Variants in IGFL2 observed in about 807,000 individuals in gnomAD.
IGFL2 encodes insulin growth factor-like family member 2.
A neutral mutation model predicts 13.9 loss-of-function variants in IGFL2; 7 were observed. The ratio of observed to expected loss-of-function variants is 0.51; its 90% confidence interval spans 0.29 to 0.95. IGFL2 has a LOEUF of 0.95. IGFL2 is among the 40% of genes least tolerant of loss of function. The probability of loss-of-function intolerance (pLI) is 0.08; values close to 1 mark genes in which losing one functional copy is unlikely to be tolerated. For missense variants in IGFL2, 138 were observed against 147.8 expected (o/e 0.93, Z 0.34); for synonymous variants, 55 against 55.8 (o/e 0.99, Z 0.07).
chr19:46,174,584 C>CAAGTAAAGG, the IGFL2 span, among the ~76,000 whole-genome samples: 1 of 152,128 alleles, frequency 6.6e-6, no homozygotes, highest in Non-Finnish European at 1.5e-5. Context: ...TCCCTAGTGA[C>CAAGTAAAGG]AAGTAAAGGC....
At chr19:46,184,902 A>G in the IGFL2 span, among the ~76,000 whole-genome samples, 1 of 152,126 alleles carries the variant, frequency 6.6e-6, no homozygotes, top group Non-Finnish European at 1.5e-5. Flanking sequence ...ATTTCTCCAC[A>G]TCTTCTGTTG....
At chr19:46,176,925 G>T in the IGFL2 span, among the ~76,000 whole-genome samples, 1 of 152,160 alleles carries the variant, frequency 6.6e-6, no homozygotes. Context: ...TGAATCTATT[G>T]CCCAGTTGGG....
At chr19:46,176,009 A>ATTTTTTTTTT in the IGFL2 span, among the ~76,000 whole-genome samples, 3 of 71,894 alleles carry the variant, frequency 4.2e-5, 1 homozygote, top group East Asian at 3.4e-4. Context: ...CGCCCGACTA[A>ATTTTTTTTTT]TTTTTTTTTT....
chr19:46,171,301 A>G, the IGFL2 span, among the ~76,000 whole-genome samples: 3 of 152,194 alleles, frequency 2.0e-5, no homozygotes, highest in Non-Finnish European at 4.4e-5. Flanking sequence ...TTTCTGGGTC[A>G]AGAGCCAGGA....
the IGFL2 span, among the ~76,000 whole-genome samples, chr19:46,174,789 C>G: frequency 6.6e-6 from 1 of 152,224 alleles, no homozygotes; most frequent in Non-Finnish European, 1.5e-5. Flanking sequence ...GATTAACTCT[C>G]TAAATTCCCA....
chr19:46,168,855 G>GT, the IGFL2 span, among the ~76,000 whole-genome samples: 22 of 65,672 alleles, frequency 3.3e-4, no homozygotes, highest in Middle Eastern at 6.7e-3. Context: ...TTTTTTCCCT[G>GT]TTTTTTTCTG....
At chr19:46,124,598 G>A in the IGFL2 span, 6 of 1,592,096 alleles carry the variant, frequency 3.8e-6, no homozygotes, top group South Asian at 5.5e-5. Context: ...GAGATGAGAT[G>A]ATGTTTGGAT....
At chr19:46,091,073 A>G in the IGFL2 span, among the ~76,000 whole-genome samples, 1 of 152,146 alleles carries the variant, frequency 6.6e-6, no homozygotes, top group Non-Finnish European at 1.5e-5. Flanking sequence ...TGCTATAACT[A>G]GGTACTGTGA....
chr19:46,084,920 A>G, the IGFL2 span, among the ~76,000 whole-genome samples: 1 of 152,184 alleles, frequency 6.6e-6, no homozygotes, highest in African/African-American at 2.4e-5. Context: ...CCTTCCCAAC[A>G]GTCCTGAAAA....
chr19:46,207,306 A>G, the IGFL2 span: 1 of 151,930 alleles, frequency 6.6e-6, no homozygotes, highest in African/African-American at 2.4e-5. Flanking sequence ...GAAAGTTTCT[A>G]CCCTCTAATC....
the IGFL2 span, among the ~76,000 whole-genome samples, chr19:46,121,630 C>T: frequency 2.0e-5 from 3 of 150,540 alleles, no homozygotes; most frequent in African/African-American, 7.4e-5. Flanking sequence ...TCGCACGTGA[C>T]GACTATCTGA....
chr19:46,114,490 T>G, the IGFL2 span, among the ~76,000 whole-genome samples: 1 of 152,156 alleles, frequency 6.6e-6, no homozygotes, highest in Non-Finnish European at 1.5e-5. Context: ...TTTATTAAAG[T>G]CATGGGTGCT....
At chr19:46,177,616 T>G in the IGFL2 span, among the ~76,000 whole-genome samples, 29 of 152,210 alleles carry the variant, frequency 1.9e-4, no homozygotes, top group African/African-American at 7.0e-4. Context: ...CCCCAACATT[T>G]TAGGGTCCAG....
chr19:46,158,130 A>T (rs919718645), intron 1 of IGFL2, among the ~76,000 whole-genome samples: 4 of 152,216 alleles, frequency 2.6e-5, no homozygotes, highest in Non-Finnish European at 5.9e-5. Flanking sequence ...AAAGAAATAA[A>T]TGGAGAGACA....
chr19:46,109,552 G>A, the IGFL2 span, among the ~76,000 whole-genome samples: 2 of 152,038 alleles, frequency 1.3e-5, no homozygotes, highest in African/African-American at 4.8e-5. Flanking sequence ...TCCTGACCTC[G>A]TGATCCACCC....
chr19:46,200,497 TTCTTTTCTTTTC>T, the IGFL2 span, among the ~76,000 whole-genome samples: 1 of 148,946 alleles, frequency 6.7e-6, no homozygotes, highest in Non-Finnish European at 1.5e-5. Context: ...TTCTTTTCTT[TTCTTTTCTTTTC>T]TCTTTTCTTT....
At chr19:46,127,986 C>T in the IGFL2 span, among the ~76,000 whole-genome samples, 1 of 152,018 alleles carries the variant, frequency 6.6e-6, no homozygotes, top group African/African-American at 2.4e-5. Context: ...TTTTTTGTGT[C>T]ATCTCTGATT....
chr19:46,163,635 AGG>A (rs912792067), downstream of IGFL2, among the ~76,000 whole-genome samples: 12 of 152,218 alleles, frequency 7.9e-5, no homozygotes, highest in African/African-American at 2.9e-4. Flanking sequence ...GCAGTGGCAG[AGG>A]GGCTTTCAGA....
chr19:46,160,197 T>C (rs933495217), intron 1 of IGFL2: 2 of 573,256 alleles, frequency 3.5e-6, no homozygotes, highest in East Asian at 2.9e-5. Context: ...CCAAGAGTTT[T>C]CCCTGCATTC....
Sources: gnomAD v4.1 joint callset for allele counts (sites outside exome capture counted in the v4.1 genomes callset) on GRCh38, gnomAD v4.1.1 for gene constraint, MANE v1.5 for transcripts, NCBI Gene and HGNC (gene_info 2026-07-23, HGNC 2026-07-21) for gene names.